PCP4: variants seen among roughly 807,000 people sequenced by gnomAD.
The protein encoded by PCP4 is calmodulin regulator protein PCP4.
In PCP4, 8 loss-of-function variants were observed where a neutral mutation model predicts 10.0. That is an observed-to-expected ratio of 0.80 (90% CI 0.47 to 1.45). The LOEUF (loss-of-function observed/expected upper bound fraction) is 1.45. PCP4 is among the 40% of genes most tolerant of loss of function. PCP4 has a pLI of 0.00. For synonymous variants in PCP4, 21 were observed against 23.0 expected (o/e 0.91, Z 0.24); for missense variants, 54 against 74.4 (o/e 0.73, Z 1.01).
intron 1 of PCP4, among the ~76,000 whole-genome samples, chr21:39,875,451 T>C (rs2087340574): frequency 6.6e-6 from 1 of 152,174 alleles, no homozygotes; most frequent in South Asian, 2.1e-4. Context: ...AGCCTTCCTT[T>C]ACAGATCATA....
intron 2 of PCP4, among the ~76,000 whole-genome samples, chr21:39,914,887 A>G (rs1231784444): frequency 6.6e-6 from 1 of 152,244 alleles, no homozygotes. Flanking sequence ...GAGCACCCTC[A>G]GGAGAGTCAG....
At chr21:39,919,127 T>C (rs1238650472) in intron 2 of PCP4, among the ~76,000 whole-genome samples, 1 of 152,176 alleles carries the variant, frequency 6.6e-6, no homozygotes, top group Non-Finnish European at 1.5e-5. Context: ...TTGTTACCTG[T>C]CTCTTTGGCT....
intron 1 of PCP4, among the ~76,000 whole-genome samples, chr21:39,875,031 G>C (rs2087338398): frequency 6.6e-6 from 1 of 152,122 alleles, no homozygotes; most frequent in Admixed American, 6.5e-5. Context: ...TTATTTCTGG[G>C]ATTTTCCATT....
At chr21:39,918,736 C>T (rs960250133) in intron 2 of PCP4, among the ~76,000 whole-genome samples, 3 of 152,236 alleles carry the variant, frequency 2.0e-5, no homozygotes, top group African/African-American at 7.2e-5. Flanking sequence ...CACCAGCAGC[C>T]CCCATTCGAT....
At chr21:39,920,863 G>A (rs1320836864) in intron 2 of PCP4, among the ~76,000 whole-genome samples, 1 of 152,208 alleles carries the variant, frequency 6.6e-6, no homozygotes, top group East Asian at 1.9e-4. Flanking sequence ...CCTGGCTGCC[G>A]CCCCCATCCT....
At chr21:39,877,517 T>C (rs1282264454) in intron 1 of PCP4, among the ~76,000 whole-genome samples, 1 of 148,928 alleles carries the variant, frequency 6.7e-6, no homozygotes, top group African/African-American at 2.5e-5. Context: ...CGAAACCCCG[T>C]CTCTACCAAA....
intron 2 of PCP4, among the ~76,000 whole-genome samples, chr21:39,904,917 G>GT (rs1226217626): frequency 1.3e-5 from 2 of 152,168 alleles, no homozygotes; most frequent in Non-Finnish European, 2.9e-5. Flanking sequence ...ACAACTTTGA[G>GT]TATCCAGCTG....
chr21:39,893,035 G>A (rs902676281), intron 1 of PCP4, among the ~76,000 whole-genome samples: 4 of 152,076 alleles, frequency 2.6e-5, no homozygotes, highest in Non-Finnish European at 2.9e-5. Context: ...GTTACCCTCC[G>A]GGGCTGGGAG....
At position 39,898,551 on chromosome 21, in the gene PCP4, G is replaced by A. The variant is rs761006617; in HGVS notation, c.61+24G>A. 3.7e-6 allele frequency: 6 copies of A among 1,601,638 alleles called. No homozygotes were observed. The East Asian group carries it at 1.3e-4, about 36-fold the overall frequency. On this transcript the variant is annotated intron_variant, in intron 2 of 2. Coordinates refer to ENST00000328619, the MANE Select transcript of PCP4 (RefSeq NM_006198.3). ...TGGTAAGAGGACATGAATAGTCCAA[G>A]TTCTTTCTCTTTTGCCATCTGCAGC...
Position 39,888,624 on chromosome 21 carries a change from G to A in PCP4, c.10-9852G>A, listed in dbSNP as rs147608692. Among the ~76,000 whole-genome samples the A allele has an allele frequency of 5.9e-5, 9 of 152,242 alleles. No individual in the cohort carries two copies. The East Asian group carries it at 7.7e-4, about 13-fold the overall frequency. ...GCGGTGTGAGTTAGGGGACTCCCCC[G>A]CTGCCCCCGATGTCAATCATTCTTG... On this transcript the variant is annotated intron_variant, in intron 1 of 2. Coordinates refer to ENST00000328619, the MANE Select transcript of PCP4 (RefSeq NM_006198.3).
chr21:39,868,801 T>G (rs1178227639), intron 1 of PCP4, among the ~76,000 whole-genome samples: 1 of 152,206 alleles, frequency 6.6e-6, no homozygotes, highest in Non-Finnish European at 1.5e-5. Flanking sequence ...AGACTTGGGC[T>G]GCAATGCTGG....
chr21:39,883,750 T>G (rs540685208), intron 1 of PCP4: 6 of 152,364 alleles, frequency 3.9e-5, no homozygotes, highest in African/African-American at 1.2e-4. Flanking sequence ...CAGCCATATT[T>G]ACTCCCAGTG....
rs146460427 is a variant in PCP4, at chr21:39,891,977, G to A, written c.10-6499G>A. ...ACCACAGGGAGGGGTTTAGGCCTCCGGATGACTGCAGGCAGGCCTGGATAA... is the reference window on the plus strand; with the variant it reads ...ACCACAGGGAGGGGTTTAGGCCTCCAGATGACTGCAGGCAGGCCTGGATAA... On this transcript the variant is annotated intron_variant, in intron 1 of 2. Coordinates refer to ENST00000328619, the MANE Select transcript of PCP4 (RefSeq NM_006198.3). 8.6e-3 allele frequency among the ~76,000 whole-genome samples: 1,306 copies of A among 152,340 alleles called. 13 individuals are homozygous for A. Among genetic ancestry groups the A allele is most frequent in the Non-Finnish European group, 0.014 (948 of 68,026 alleles).
chr21:39,925,572 T>G (rs1367018411), intron 2 of PCP4, among the ~76,000 whole-genome samples: 1 of 152,188 alleles, frequency 6.6e-6, no homozygotes, highest in Non-Finnish European at 1.5e-5. Context: ...AAGTCATGGG[T>G]AGCAATTGCA....
At chr21:39,884,594 C>T (rs566051762) in intron 1 of PCP4, among the ~76,000 whole-genome samples, 2 of 152,084 alleles carry the variant, frequency 1.3e-5, no homozygotes, top group Admixed American at 6.5e-5. Flanking sequence ...GTCAGGAGTT[C>T]GAGACCAGCC....
At chr21:39,927,365 CTATCATCT>C (rs148630443) in intron 2 of PCP4, among the ~76,000 whole-genome samples, 85,766 of 137,098 alleles carry the variant, frequency 0.63, 26,493 homozygotes, top group Admixed American at 0.66. Context: ...ATCTATCTAT[CTATCATCT>C]ATCTATCTAT....
intron 1 of PCP4, among the ~76,000 whole-genome samples, chr21:39,869,112 A>G (rs548287249): frequency 6.0e-4 from 92 of 152,300 alleles, no homozygotes; most frequent in Admixed American, 1.2e-3. Context: ...AACTTATCCA[A>G]TAAGAGTTTC....
chr21:39,880,758 A>G (rs2087371849), intron 1 of PCP4, among the ~76,000 whole-genome samples: 1 of 152,234 alleles, frequency 6.6e-6, no homozygotes, highest in Admixed American at 6.5e-5. Flanking sequence ...CTTTGGAAAT[A>G]AAGAGGTCTA....
At chr21:39,894,470 T>C (rs73354117) in intron 1 of PCP4, among the ~76,000 whole-genome samples, 5,579 of 152,316 alleles carry the variant, frequency 0.037, 370 homozygotes, top group African/African-American at 0.13. Flanking sequence ...GCATATTTTC[T>C]ACACCTGCAT....
Sources: allele counts gnomAD v4.1 joint callset (sites outside exome capture counted in the v4.1 genomes callset), GRCh38; gene constraint gnomAD v4.1.1; transcripts MANE v1.5; gene names NCBI Gene and HGNC (gene_info 2026-07-23, HGNC 2026-07-21).